ADK: variants seen among roughly 807,000 people sequenced by gnomAD.
ADK encodes adenosine kinase, also known as N6,N6-dimethyladenosine kinase.
A neutral mutation model predicts 44.7 loss-of-function variants in ADK; 24 were observed. The observed-to-expected ratio is 0.54, with a 90% CI of 0.39 to 0.76. The LOEUF is 0.76. Among genes scored for constraint, ADK ranks in the 30% least tolerant of loss-of-function variants. The pLI, the probability that ADK is intolerant of heterozygous loss-of-function variation, is 0.00. For missense variants in ADK, 321 were observed against 425.1 expected, an observed-to-expected ratio of 0.76 and a Z score of 2.15; for synonymous variants, 128 against 142.6, an observed-to-expected ratio of 0.90 and a Z score of 0.73.
chr10:74,366,047 C>T (rs1366696195), intron 4 of ADK, among the ~76,000 whole-genome samples: 1 of 152,108 alleles, frequency 6.6e-6, no homozygotes, highest in Non-Finnish European at 1.5e-5. Flanking sequence ...AACTTACTTT[C>T]CCGTTTTTTA....
intron 4 of ADK, 51 bp downstream of exon 4, chr10:74,314,796 A>G (rs776060880): frequency 1.5e-6 from 2 of 1,323,044 alleles, no homozygotes; most frequent in Non-Finnish European, 1.1e-6. Context: ...TTCTAGACCC[A>G]TGTCTATTTT....
rs1357082835 is a variant in ADK at position 74,674,594 on chromosome 10, T to C, written c.964+4325T>C. 9.9e-5 allele frequency among the ~76,000 whole-genome samples: 15 copies of C among 151,974 alleles called. No homozygotes were observed. In the East Asian group the frequency reaches 2.9e-3, roughly 29 times the overall value. ...GGATCAAAGACTTAAATGTAAGTAC[T>C]AAATCAGCCAGGTGTGGTGGCTCAT... On this transcript the variant is annotated intron_variant, in intron 10 of 10. Transcript: ENST00000539909.
chr10:74,321,090 T>G (rs1840791892), intron 4 of ADK, among the ~76,000 whole-genome samples: 1 of 152,192 alleles, frequency 6.6e-6, no homozygotes, highest in South Asian at 2.1e-4. Context: ...TTCGCTTGTT[T>G]TTAAGCTTCC....
At chr10:74,701,357 G>A (rs1184687617) in intron 10 of ADK, among the ~76,000 whole-genome samples, 1 of 152,148 alleles carries the variant, frequency 6.6e-6, no homozygotes, top group Non-Finnish European at 1.5e-5. Context: ...ATACTTCCCA[G>A]CTCTGTTCAT....
chr10:74,186,230 CCTTTCCCTTCCCCTT>C (rs758573336), intron 1 of ADK, among the ~76,000 whole-genome samples: 1 of 97,790 alleles, frequency 1.0e-5, no homozygotes, highest in African/African-American at 3.2e-5. Flanking sequence ...CCCTTCCCCT[CCTTTCCCTTCCCCTT>C]CCGCCTTTCC....
chr10:74,423,612 G>A (rs575250925), intron 6 of ADK: 14 of 313,394 alleles, frequency 4.5e-5, no homozygotes, highest in East Asian at 1.9e-4. Flanking sequence ...AACTGTCGTC[G>A]TCTGCATAGT....
At chr10:74,527,497 G>GA in intron 7 of ADK, 1 of 592,156 alleles carries the variant, frequency 1.7e-6, no homozygotes, top group South Asian at 1.9e-5. Context: ...CTTAATTAAG[G>GA]AGAGAATGTG....
intron 1 of ADK, among the ~76,000 whole-genome samples, chr10:74,167,103 T>C (rs765715875): frequency 3.9e-5 from 6 of 152,208 alleles, no homozygotes; most frequent in African/African-American, 1.4e-4. Flanking sequence ...CTGTGAATCA[T>C]TGTTTCAGTT....
chr10:74,160,947 C>G (rs187818605), intron 1 of ADK, among the ~76,000 whole-genome samples: 8 of 152,018 alleles, frequency 5.3e-5, no homozygotes, highest in Non-Finnish European at 1.0e-4. Flanking sequence ...CCAAAAAACC[C>G]GACAACCTCA....
intron 2 of ADK, among the ~76,000 whole-genome samples, chr10:74,219,626 T>A (rs1329659808): frequency 6.6e-6 from 1 of 151,434 alleles, no homozygotes; most frequent in Non-Finnish European, 1.5e-5. Flanking sequence ...GAAGTAAAGC[T>A]CTCCTCAGCA....
intron 6 of ADK, among the ~76,000 whole-genome samples, chr10:74,488,185 G>A (rs935032737): frequency 1.6e-4 from 24 of 151,956 alleles, no homozygotes; most frequent in African/African-American, 5.6e-4. Flanking sequence ...AATGGAAGGA[G>A]ACTTTCAGAT....
chr10:74,323,123 A>G (rs1262147513), intron 4 of ADK, among the ~76,000 whole-genome samples: 3 of 152,240 alleles, frequency 2.0e-5, no homozygotes, highest in Admixed American at 6.5e-5. Flanking sequence ...TCATCAAGAA[A>G]TACTACAAGC....
chr10:74,384,045 C>A (rs1564690006), intron 4 of ADK, among the ~76,000 whole-genome samples: 1 of 152,102 alleles, frequency 6.6e-6, no homozygotes, highest in Non-Finnish European at 1.5e-5. Flanking sequence ...CTTCTTTGGC[C>A]ACTCTGCAAA....
chr10:74,334,207 G>T (rs898058173), intron 4 of ADK, among the ~76,000 whole-genome samples: 3 of 152,012 alleles, frequency 2.0e-5, no homozygotes, highest in African/African-American at 7.2e-5. Context: ...TGTTTTTGTT[G>T]ACAGAGACAG....
chr10:74,176,604 G>T (rs1440397446), intron 1 of ADK: 3 of 1,380,076 alleles, frequency 2.2e-6, no homozygotes, highest in Non-Finnish European at 2.8e-6. Context: ...GCTAGCCCGC[G>T]CGCCAGTGAG....
chr10:74,690,021 C>T (rs997310331), intron 10 of ADK, among the ~76,000 whole-genome samples: 42 of 152,202 alleles, frequency 2.8e-4, no homozygotes, highest in Admixed American at 1.9e-3. Flanking sequence ...TCAGGGAACA[C>T]GCTTTGTGAA....
intron 7 of ADK, among the ~76,000 whole-genome samples, chr10:74,567,202 A>G (rs1850700932): frequency 1.3e-5 from 2 of 152,156 alleles, no homozygotes; most frequent in Admixed American, 1.3e-4. Flanking sequence ...AGTTCATTAC[A>G]CTGTATCTTG....
intron 2 of ADK, among the ~76,000 whole-genome samples, chr10:74,202,087 C>T (rs1053897274): frequency 1.3e-5 from 2 of 152,106 alleles, no homozygotes; most frequent in African/African-American, 2.4e-5. Flanking sequence ...AGTAGTCATT[C>T]GCTATTCCCT....
intron 7 of ADK, among the ~76,000 whole-genome samples, chr10:74,579,233 T>TA (rs10719538): frequency 0.032 from 4,553 of 141,334 alleles, 194 homozygotes; most frequent in African/African-American, 0.095. Context: ...GACCCTGTCT[T>TA]AAAAAAAAAA....
Sources: gnomAD v4.1 joint callset for allele counts (sites outside exome capture counted in the v4.1 genomes callset) on GRCh38, gnomAD v4.1.1 for gene constraint, MANE v1.5 for transcripts, NCBI Gene and HGNC (gene_info 2026-07-23, HGNC 2026-07-21) for gene names.